The following PPFIA2 variants were observed in gnomAD, a reference collection of about 807,000 sequenced individuals.
PPFIA2 encodes the protein PPFI scaffold protein A2, also known as liprin-alpha-2.
In PPFIA2, 46 loss-of-function variants were observed where a neutral mutation model predicts 175.5. The observed-to-expected ratio is 0.26, with a 90% CI of 0.21 to 0.34. The LOEUF (loss-of-function observed/expected upper bound fraction) is 0.34, where lower values mean the gene tolerates loss of function less well. PPFIA2 is among the 10% of genes least tolerant of loss of function. The probability of loss-of-function intolerance (pLI) is 1.00; values close to 1 mark genes in which losing one functional copy is unlikely to be tolerated. For synonymous variants in PPFIA2, 568 were observed against 511.4 expected, an observed-to-expected ratio of 1.11 and a Z score of -1.49; for missense variants, 1,179 against 1,506.1, an observed-to-expected ratio of 0.78 and a Z score of 3.60.
intron 4 of PPFIA2, among the ~76,000 whole-genome samples, chr12:81,603,354 G>A (rs1431488794): frequency 2.0e-5 from 3 of 151,614 alleles, no homozygotes; most frequent in Admixed American, 2.0e-4. Context: ...ATATTTGAGG[G>A]GAAAAGAAGA....
At chr12:81,443,845 C>CTTTTTTTTTT (rs1183160145) in intron 6 of PPFIA2, among the ~76,000 whole-genome samples, 2 of 71,164 alleles carry the variant, frequency 2.8e-5, no homozygotes, top group African/African-American at 1.2e-4. Flanking sequence ...GCCAACCTTT[C>CTTTTTTTTTT]TTTTTTTTTT....
chr12:81,364,192 G>T (rs952137215), intron 14 of PPFIA2, among the ~76,000 whole-genome samples: 1 of 151,784 alleles, frequency 6.6e-6, no homozygotes, highest in Non-Finnish European at 1.5e-5. Flanking sequence ...AGTGGAAATG[G>T]AGTAGAGGGT....
chr12:81,433,385 T>C (rs534644326), intron 7 of PPFIA2, among the ~76,000 whole-genome samples: 3 of 152,334 alleles, frequency 2.0e-5, no homozygotes, highest in Admixed American at 2.0e-4. Context: ...GTATTTTGCT[T>C]GTGCCTGTAT....
intron 4 of PPFIA2, among the ~76,000 whole-genome samples, chr12:81,631,910 A>G (rs1388596219): frequency 6.6e-6 from 1 of 152,222 alleles, no homozygotes; most frequent in Non-Finnish European, 1.5e-5. Flanking sequence ...CTGGCACACA[A>G]TAACTATTTA....
At chr12:81,340,736 A>C (rs1394385271) in intron 20 of PPFIA2, among the ~76,000 whole-genome samples, 1 of 152,084 alleles carries the variant, frequency 6.6e-6, no homozygotes, top group Non-Finnish European at 1.5e-5. Context: ...CAAATTTATG[A>C]TCTTGTCCTA....
intron 22 of PPFIA2, among the ~76,000 whole-genome samples, chr12:81,303,659 G>T (rs1236669469): frequency 6.6e-6 from 1 of 152,122 alleles, no homozygotes. Context: ...CATGTGGTGA[G>T]CACTCAGGTC....
At chr12:81,574,253 T>G (rs927281420) in intron 4 of PPFIA2, among the ~76,000 whole-genome samples, 2 of 151,862 alleles carry the variant, frequency 1.3e-5, no homozygotes, top group African/African-American at 4.8e-5. Context: ...ATATTTTTCT[T>G]TAATCAGAGA....
At chr12:81,322,451 C>T (rs532440656) in intron 22 of PPFIA2, among the ~76,000 whole-genome samples, 2 of 152,114 alleles carry the variant, frequency 1.3e-5, no homozygotes, top group Non-Finnish European at 2.9e-5. Context: ...AATACTGAAA[C>T]TAAATATTGA....
intron 4 of PPFIA2, among the ~76,000 whole-genome samples, chr12:81,667,826 G>T (rs1307475573): frequency 6.6e-6 from 1 of 151,926 alleles, no homozygotes; most frequent in African/African-American, 2.4e-5. Flanking sequence ...ATTTAACAGA[G>T]AACTTTTCTG....
At chr12:81,507,613 C>T (rs2061320199) in intron 4 of PPFIA2, among the ~76,000 whole-genome samples, 1 of 152,144 alleles carries the variant, frequency 6.6e-6, no homozygotes, top group African/African-American at 2.4e-5. Flanking sequence ...TTTCCAAACA[C>T]ATCCAGCATA....
chr12:81,483,391 T>C (rs1258793624), intron 4 of PPFIA2, among the ~76,000 whole-genome samples: 1 of 152,094 alleles, frequency 6.6e-6, no homozygotes, highest in African/African-American at 2.4e-5. Flanking sequence ...AAATAAAGTA[T>C]TTATAAGCTA....
intron 4 of PPFIA2, among the ~76,000 whole-genome samples, chr12:81,541,679 A>AC (rs895693001): frequency 1.3e-5 from 2 of 152,024 alleles, no homozygotes; most frequent in African/African-American, 4.8e-5. Context: ...AATAAAAAAA[A>AC]CCCTGCTAAT....
At chr12:81,542,583 G>A (rs759764966) in intron 4 of PPFIA2, among the ~76,000 whole-genome samples, 14 of 152,098 alleles carry the variant, frequency 9.2e-5, no homozygotes, top group Non-Finnish European at 1.6e-4. Context: ...AGATAATGCT[G>A]ACTAATATAA....
intron 4 of PPFIA2, among the ~76,000 whole-genome samples, chr12:81,628,418 C>G (rs1042336199): frequency 2.0e-5 from 3 of 148,314 alleles, no homozygotes; most frequent in African/African-American, 7.5e-5. Context: ...ACTCTGTCAC[C>G]CAGGCTGGAG....
intron 21 of PPFIA2, among the ~76,000 whole-genome samples, chr12:81,327,698 A>T (rs886614087): frequency 1.3e-5 from 2 of 152,176 alleles, no homozygotes; most frequent in Non-Finnish European, 1.5e-5. Context: ...ATATAAGAAC[A>T]TTTAAATTAT....
At chr12:81,657,301 A>G (rs986113269) in intron 4 of PPFIA2, among the ~76,000 whole-genome samples, 8 of 152,224 alleles carry the variant, frequency 5.3e-5, no homozygotes, top group African/African-American at 1.9e-4. Context: ...ATGAATACTA[A>G]TGACAGAACA....
chr12:81,409,894 G>A (rs899663351), intron 7 of PPFIA2, among the ~76,000 whole-genome samples: 11 of 152,078 alleles, frequency 7.2e-5, no homozygotes, highest in African/African-American at 2.4e-4. Context: ...AAAGATTAAT[G>A]GGGACAACTG....
intron 4 of PPFIA2, among the ~76,000 whole-genome samples, chr12:81,602,343 C>G (rs1300869831): frequency 6.6e-6 from 1 of 151,698 alleles, no homozygotes; most frequent in Non-Finnish European, 1.5e-5. Flanking sequence ...TGTTTCAATT[C>G]AAACATCCTA....
chr12:81,344,627 A>G, intron 19 of PPFIA2, 37 bp downstream of exon 19: 1 of 1,441,542 alleles, frequency 6.9e-7, no homozygotes, highest in Non-Finnish European at 9.5e-7. Context: ...ATAAAACAGT[A>G]TTCAATTCGT....
Sources: allele counts gnomAD v4.1 joint callset (sites outside exome capture counted in the v4.1 genomes callset), GRCh38; gene constraint gnomAD v4.1.1; transcripts MANE v1.5; gene names NCBI Gene and HGNC (gene_info 2026-07-23, HGNC 2026-07-21).